ZNF18: variants seen among roughly 807,000 people sequenced by gnomAD.
ZNF18 encodes heart development-specific gene 1 protein.
In ZNF18, 42 loss-of-function variants were observed where a neutral mutation model predicts 58.1. The ratio of observed to expected loss-of-function variants is 0.72; its 90% CI spans 0.56 to 0.93. The LOEUF is 0.93. Ranked by LOEUF, ZNF18 falls within the 40% of genes least tolerant of loss-of-function variation. The pLI is 0.00. For missense variants in ZNF18, 540 were observed against 644.2 expected, an observed-to-expected ratio of 0.84 and a Z score of 1.75; for synonymous variants, 231 against 239.8, an observed-to-expected ratio of 0.96 and a Z score of 0.34.
intron 5 of ZNF18, 93 bp downstream of exon 5, chr17:11,984,020 C>T (rs1597956355): frequency 1.7e-6 from 2 of 1,177,506 alleles, no homozygotes; most frequent in Non-Finnish European, 2.4e-6. Flanking sequence ...TGGCGATTTT[C>T]AGTTCAGCAG....
intron 4 of ZNF18, among the ~76,000 whole-genome samples, chr17:11,988,893 T>C (rs1292399167): frequency 6.6e-6 from 1 of 151,924 alleles, no homozygotes; most frequent in Admixed American, 6.6e-5. Context: ...GCATGGTGGC[T>C]CCCGCCTGTA....
the ZNF18 span, chr17:12,020,731 C>A: frequency 1.3e-5 from 5 of 376,406 alleles, no homozygotes; most frequent in African/African-American, 2.1e-5. Context: ...GCCCGGGCTG[C>A]GCGTCGGGCT....
At chr17:12,018,915 G>A in the ZNF18 span, among the ~76,000 whole-genome samples, 1 of 150,604 alleles carries the variant, frequency 6.6e-6, no homozygotes, top group Non-Finnish European at 1.5e-5. Context: ...AATTTGCTAG[G>A]TTGAAGGTTT....
At chr17:11,995,645 T>C (rs1341524452) in intron 1 of ZNF18, 1 of 146,426 alleles carries the variant, frequency 6.8e-6, no homozygotes, top group Non-Finnish European at 1.5e-5. Flanking sequence ...ATCGTACCAC[T>C]GCACTCCAGC....
chr17:12,020,699 C>T, the ZNF18 span: 33 of 358,884 alleles, frequency 9.2e-5, no homozygotes, highest in Admixed American at 2.3e-4. Flanking sequence ...CAGAGCCGGG[C>T]GGTTCTGCAG....
At chr17:12,007,966 T>C in the ZNF18 span, among the ~76,000 whole-genome samples, 2 of 151,852 alleles carry the variant, frequency 1.3e-5, no homozygotes, top group Non-Finnish European at 2.9e-5. Context: ...ATCCATAATG[T>C]GGTGGTGCTC....
chr17:12,009,280 C>T, the ZNF18 span: 1 of 151,710 alleles, frequency 6.6e-6, no homozygotes, highest in African/African-American at 2.4e-5. Context: ...ATGGCTGCTT[C>T]TAGAACTGCC....
At chr17:12,013,008 G>GT in the ZNF18 span, among the ~76,000 whole-genome samples, 1 of 150,860 alleles carries the variant, frequency 6.6e-6, no homozygotes, top group South Asian at 2.1e-4. Flanking sequence ...CTGGAGTGCA[G>GT]TGGCGCGATC....
intron 6 of ZNF18, among the ~76,000 whole-genome samples, chr17:11,981,129 T>C (rs1967314593): frequency 6.6e-6 from 1 of 151,814 alleles, no homozygotes; most frequent in South Asian, 2.1e-4. Flanking sequence ...TGGCAAACTG[T>C]TGTATTTTTC....
At chr17:11,981,834 C>A (rs1263053610) in intron 6 of ZNF18, among the ~76,000 whole-genome samples, 1 of 152,122 alleles carries the variant, frequency 6.6e-6, no homozygotes, top group African/African-American at 2.4e-5. Flanking sequence ...ATATTTTCAA[C>A]CTTTTCTGAC....
rs751136779 is a variant in ZNF18, at chr17:11,978,760, A to G, written c.863-16T>C. The G allele has an allele frequency of 3.2e-6, 5 of 1,547,760 alleles. No individual in the cohort carries two copies. Among genetic ancestry groups the G allele is most frequent in the East Asian group, 2.3e-5 (1 of 44,080 alleles). On this transcript the variant is annotated splice_polypyrimidine_tract_variant and intron_variant, in intron 6 of 6. Transcript: ENST00000580306. ...TGTCTATCTCCTAAAAGAAGAAAGA[A>G]GATTTGAAATGGTTCAAGTGCTATG...
chr17:12,019,368 T>TA, the ZNF18 span, among the ~76,000 whole-genome samples: 2 of 151,948 alleles, frequency 1.3e-5, no homozygotes, highest in African/African-American at 4.8e-5. Flanking sequence ...TTGCCTAATC[T>TA]GTAGTGCTGC....
the ZNF18 span, among the ~76,000 whole-genome samples, chr17:12,006,271 G>A: frequency 2.6e-5 from 4 of 152,262 alleles, no homozygotes; most frequent in East Asian, 7.7e-4. Flanking sequence ...GAGGCCTTTG[G>A]AAGAAGTTAA....
At position 11,978,740 on chromosome 17, in the gene ZNF18, A is replaced by G. The variant is rs1967147114; in HGVS notation, c.867T>C (p.Asp289=). The part of the protein sequence containing the change: ...EKIPRPTCIG[D]RQENDKENLN... ...GGTTCTCCTTGTCATTCTCTTGTCT[A>G]TCTCCTAAAAGAAGAAAGAAGATTT... Residue 289 remains aspartate (D), a synonymous_variant, in exon 7 of 7, where the codon GAT becomes GAC. Transcript: ENST00000580306. 1.3e-6 allele frequency: 2 copies of G among 1,581,622 alleles called. No homozygotes were observed. Among genetic ancestry groups the G allele is most frequent in the Non-Finnish European group, 1.7e-6 (2 of 1,171,200 alleles).
chr17:11,990,577 A>T lies in ZNF18; in HGVS notation c.578-27T>A, dbSNP rs776059727. 5 of 1,584,818 alleles carry T rather than the reference A, an allele frequency of 3.2e-6. No individual in the cohort carries two copies. In the Admixed American group the frequency reaches 8.8e-5, roughly 28 times the overall value. On this transcript the variant is annotated intron_variant, in intron 3 of 6. Transcript: ENST00000580306. ...TGAAGTGAGGAGAGGAAGTTTTCAG[A>T]ATCTGGATGTCTTCCTTAACCACTC...
At chr17:12,003,478 T>C in the ZNF18 span, among the ~76,000 whole-genome samples, 2 of 147,306 alleles carry the variant, frequency 1.4e-5, no homozygotes, top group Non-Finnish European at 3.0e-5. Context: ...AAGGTTCAGG[T>C]GGGGCTAGGA....
chr17:11,990,078 G>C (rs1318195666), intron 4 of ZNF18, among the ~76,000 whole-genome samples: 3 of 151,904 alleles, frequency 2.0e-5, no homozygotes, highest in Non-Finnish European at 2.9e-5. Context: ...AAATGCTTTA[G>C]AAATAATGGC....
chr17:11,990,989 T>C lies in ZNF18; in HGVS notation c.562A>G (p.Thr188Ala), dbSNP rs777494329. 1.2e-6 allele frequency: 2 copies of C among 1,613,978 alleles called. No individual in the cohort carries two copies. Among genetic ancestry groups the C allele is most frequent in the East Asian group, 2.2e-5 (1 of 44,874 alleles). The change falls in exon 3 of 7, where the codon ACA becomes GCA. Residue 188 changes from threonine to alanine, a missense_variant. Physicochemically the swap from Thr to Ala is moderately conservative, Grantham distance 58 (BLOSUM62 0). Transcript: ENST00000580306. ...CCATCCTCACCTAGTTCTGCTTCTG[T>C]GTCAGATTCCTCTTTCACGATGTGG... Reference protein sequence around the residue: ...LSHIVKEESDTEAELALAASQ... With the variant: ...LSHIVKEESDAEAELALAASQ...
chr17:12,021,066 G>C, the ZNF18 span: 2 of 1,020,628 alleles, frequency 2.0e-6, no homozygotes, highest in Middle Eastern at 3.7e-4. Context: ...GTCGCGGCCT[G>C]CCCCAGCGGA....
Sources: gnomAD v4.1 joint callset for allele counts (sites outside exome capture counted in the v4.1 genomes callset) on GRCh38, gnomAD v4.1.1 for gene constraint, MANE v1.5 for transcripts, NCBI Gene and HGNC (gene_info 2026-07-23, HGNC 2026-07-21) for gene names.